BRSK1: variants seen among roughly 807,000 people sequenced by gnomAD.
BRSK1 encodes BR serine/threonine kinase 1.
Under a neutral mutation model 86.2 loss-of-function variants are expected in BRSK1, and 17 were observed. The ratio of observed to expected loss-of-function variants is 0.20; its 90% CI spans 0.14 to 0.30. The LOEUF is 0.30. Ranked by LOEUF, BRSK1 falls within the 10% of genes least tolerant of loss-of-function variation. The pLI is 1.00. For synonymous variants in BRSK1, 464 were observed against 440.1 expected, an observed-to-expected ratio of 1.05 and a Z score of -0.68; for missense variants, 719 against 1,071.9, an observed-to-expected ratio of 0.67 and a Z score of 4.60.
At position 55,284,098 on chromosome 19, in the gene BRSK1, G is replaced by T. The variant is rs1367719980; in HGVS notation, c.-345G>T. ...AGAGGGCGCGTGGGGGGGCGGGGGG[G>T]ACCTCGGCCTGCAGCATCCGCCGGC... On this transcript the variant is annotated 5_prime_UTR_variant, in exon 1 of 19. Transcript: ENST00000309383. The T allele has an allele frequency of 3.1e-5, 10 of 321,176 alleles. No homozygotes were observed. Among genetic ancestry groups the T allele is most frequent in the South Asian group, 2.8e-4 (2 of 7,230 alleles). 19.9% of individuals were successfully genotyped at this position (321,176 alleles called of 1,614,324 possible).
Position 55,302,010 on chromosome 19 carries a change from C to G in BRSK1, c.826-127C>G, listed in dbSNP as rs966220668. On this transcript the variant is annotated intron_variant, in intron 8 of 18. Coordinates refer to ENST00000309383, the MANE Select transcript of BRSK1 (RefSeq NM_032430.2). The surrounding 1 kb of genome is among the most constrained non-coding windows in gnomAD (Gnocchi z 6.3). ...GCCACTAGAGGGCGATGTAATATGT[C>G]ATCCTGCCCCCGGTGGGGTGGGCGG... 8.9e-7 allele frequency: 1 copy of G among 1,129,710 alleles called. No homozygotes were observed. Among genetic ancestry groups the G allele is most frequent in the Non-Finnish European group, 1.3e-6 (1 of 743,424 alleles). The allele number at this position is 1,129,710 out of a possible 1,614,324, so 70.0% of individuals were successfully genotyped here.
Position 55,301,266 on chromosome 19 carries a change from G to A in BRSK1, c.679-246G>A, listed in dbSNP as rs1444822395. Among the ~76,000 whole-genome samples, 4 of 152,192 alleles carry A rather than the reference G, an allele frequency of 2.6e-5. No individual in the cohort carries two copies. In the South Asian group the frequency reaches 6.2e-4, roughly 24 times the overall value. ...ACAACCGTTTCGAAACTGCTGTGGG[G>A]GGAAAGCTGTCTAAAAGGAACAGCC... On this transcript the variant is annotated intron_variant, in intron 7 of 18. Transcript: ENST00000309383.
chr19:55,291,684 G>C (rs903526968), intron 4 of BRSK1, among the ~76,000 whole-genome samples: 1 of 152,196 alleles, frequency 6.6e-6, no homozygotes, highest in African/African-American at 2.4e-5. Flanking sequence ...GAGATGGGGT[G>C]GGGATCACGG....
Position 55,304,953 on chromosome 19 carries a change from G to C in BRSK1, c.1717+33G>C. 1 of 1,599,026 alleles carries C rather than the reference G, an allele frequency of 6.3e-7. No homozygotes were observed. The highest frequency in any genetic ancestry group is 1.3e-5 in the African/African-American group (1 of 74,798). On this transcript the variant is annotated intron_variant, in intron 14 of 18. Coordinates refer to ENST00000309383, the MANE Select transcript of BRSK1 (RefSeq NM_032430.2). The surrounding 1 kb of genome is among the most constrained non-coding windows in gnomAD (Gnocchi z 5.2). ...GGCATGAACTGCCGAGTCCTAATGT[G>C]GGGAGAGGTTGGGGCTAAAAATCTG...
rs778088324 is a variant in BRSK1 at position 55,302,899 on chromosome 19, C to A, written c.1028+32C>A. On this transcript the variant is annotated intron_variant, in intron 10 of 18. Transcript: ENST00000309383. The surrounding 1 kb of genome is among the most constrained non-coding windows in gnomAD (Gnocchi z 6.3). ...CCCCAAGACCCCTGCACCCGTGTAC[C>A]CACGTGGGGCGAGCTGCAGCAGCTC... 2.5e-6 allele frequency: 4 copies of A among 1,592,424 alleles called. No individual in the cohort carries two copies. The highest frequency in any genetic ancestry group is 3.4e-6 in the Non-Finnish European group (4 of 1,164,844).
intron 7 of BRSK1, among the ~76,000 whole-genome samples, chr19:55,299,029 C>T (rs554463268): frequency 2.6e-5 from 4 of 152,154 alleles, no homozygotes; most frequent in African/African-American, 4.8e-5. Flanking sequence ...GTCAGGAGTT[C>T]GAGACCAGCC....
At chr19:55,298,651 G>A (rs901056311) in intron 7 of BRSK1, among the ~76,000 whole-genome samples, 3 of 152,192 alleles carry the variant, frequency 2.0e-5, no homozygotes, top group Non-Finnish European at 4.4e-5. Flanking sequence ...GCAGGTTTCC[G>A]GCTGAGGTCA....
Position 55,304,170 on chromosome 19 carries a change from G to T in BRSK1, c.1347+60G>T. ...GAAAGGGGTGGAGACATGGAGCAAAGATTGAGTAGCAGAAACTACAATTCC... is the reference window on the plus strand; with the variant it reads ...GAAAGGGGTGGAGACATGGAGCAAATATTGAGTAGCAGAAACTACAATTCC... On this transcript the variant is annotated intron_variant, in intron 13 of 18. Transcript: ENST00000309383. This position sits in a 1 kb window ranked among gnomAD's most constrained non-coding sequence, Gnocchi z 5.2. 6.7e-7 allele frequency: 1 copy of T among 1,496,534 alleles called. No individual in the cohort carries two copies. The highest frequency in any genetic ancestry group is 9.1e-7 in the Non-Finnish European group (1 of 1,094,082). The allele number at this position is 1,496,534 out of a possible 1,614,324, so 92.7% of individuals were successfully genotyped here.
Position 55,306,149 on chromosome 19 carries a change from C to G in BRSK1, c.1891-103C>G. 5 of 1,166,178 alleles carry G rather than the reference C, an allele frequency of 4.3e-6. No homozygotes were observed. The highest frequency in any genetic ancestry group is 4.9e-6 in the Non-Finnish European group (4 of 817,614). The allele number at this position is 1,166,178 out of a possible 1,614,324, so 72.2% of individuals were successfully genotyped here. On this transcript the variant is annotated intron_variant, in intron 16 of 18. Transcript: ENST00000309383. This position sits in a 1 kb window ranked among gnomAD's most constrained non-coding sequence, Gnocchi z 4.7. ...CAATGCATTTCCTGTCCTTCTTTCC[C>G]TCCAGTGGCTCATGGGACTCGTAGT...
At chr19:55,311,846 C>G in intron 18 of BRSK1, 65 bp from the exon 19 acceptor site, 1 of 1,550,236 alleles carries the variant, frequency 6.5e-7, no homozygotes, top group Non-Finnish European at 8.8e-7. Context: ...TGCCCCCATC[C>G]CCTGGTAATG....
At position 55,287,375 on chromosome 19, in the gene BRSK1, G is replaced by GGTCCCCCTA; in HGVS notation, c.317+77_317+78insTCCCCCTAG. 7.1e-7 allele frequency: 1 copy of GGTCCCCCTA among 1,400,970 alleles called. No individual in the cohort carries two copies. The highest frequency in any genetic ancestry group is 1.0e-6 in the Non-Finnish European group (1 of 992,304). 86.8% of individuals were successfully genotyped at this position (1,400,970 alleles called of 1,614,324 possible). On this transcript the variant is annotated intron_variant, in intron 3 of 18. Transcript: ENST00000309383. The surrounding 1 kb of genome is among the most constrained non-coding windows in gnomAD (Gnocchi z 5.3). ...CCAGGGTGGGACTTCTCCAGAAACA[G>GGTCCCCCTA]GGCCTAGGGGGACCTGGGGGACCTG... is the stretch of plus-strand genomic sequence containing the variant.
chr19:55,286,864 G>T, intron 1 of BRSK1, 143 bp from the exon 2 acceptor site: 1 of 686,722 alleles, frequency 1.5e-6, no homozygotes. Context: ...TCAGCCCCAG[G>T]AGTTCAGGTC....
chr19:55,312,089 AG>A lies in BRSK1; in HGVS notation c.*25del. On this transcript the variant is annotated 3_prime_UTR_variant, in exon 19 of 19. Transcript: ENST00000309383. ...CCTGACCCCACGGGGCCGGGGAGGG[AG>A]GGGACCCCCCTCCACCCCCCTTCCG... 1 of 1,320,258 alleles carries A rather than the reference AG, an allele frequency of 7.6e-7. No individual in the cohort carries two copies. The highest frequency in any genetic ancestry group is 9.9e-7 in the Non-Finnish European group (1 of 1,005,116). The allele number at this position is 1,320,258 out of a possible 1,614,324, so 81.8% of individuals were successfully genotyped here.
intron 7 of BRSK1, among the ~76,000 whole-genome samples, chr19:55,296,571 G>A (rs2122959448): frequency 6.6e-6 from 1 of 152,284 alleles, no homozygotes; most frequent in East Asian, 1.9e-4. Context: ...GCATTGCCGG[G>A]CGCGGTGGCT....
chr19:55,305,605 C>T lies in BRSK1; in HGVS notation c.1890+19C>T. ...TCTGTCGGTGAGGGGCCTGGGTCCCCATCGAGCCTGGCCCCCGCAGAACTA... is the reference window on the plus strand; with the variant it reads ...TCTGTCGGTGAGGGGCCTGGGTCCCTATCGAGCCTGGCCCCCGCAGAACTA... On this transcript the variant is annotated intron_variant, in intron 16 of 18. Coordinates refer to ENST00000309383, the MANE Select transcript of BRSK1 (RefSeq NM_032430.2). The T allele has an allele frequency of 1.9e-6, 3 of 1,613,708 alleles. No individual in the cohort carries two copies. Among genetic ancestry groups the T allele is most frequent in the Non-Finnish European group, 2.5e-6 (3 of 1,180,016 alleles).
At chr19:55,286,454 T>G (rs2088317856) in intron 1 of BRSK1, among the ~76,000 whole-genome samples, 1 of 136,324 alleles carries the variant, frequency 7.3e-6, no homozygotes, top group African/African-American at 2.8e-5. Context: ...CAGTTGAGGC[T>G]GGGGGTTCAG....
chr19:55,291,370 C>T (rs559542429), intron 4 of BRSK1, among the ~76,000 whole-genome samples: 2 of 152,214 alleles, frequency 1.3e-5, no homozygotes, highest in African/African-American at 4.8e-5. Flanking sequence ...GAGATTCCCC[C>T]CATCTCTCCA....
intron 7 of BRSK1, among the ~76,000 whole-genome samples, chr19:55,295,973 T>A (rs971605920): frequency 9.2e-5 from 14 of 151,776 alleles, no homozygotes; most frequent in East Asian, 1.9e-4. Context: ...TATCTAAAAA[T>A]ATATATATAT....
Position 55,304,826 on chromosome 19 carries a change from C to A in BRSK1, c.1623C>A (p.Gly541=). 1 of 1,590,052 alleles carries A rather than the reference C, an allele frequency of 6.3e-7. No individual in the cohort carries two copies. Among genetic ancestry groups the A allele is most frequent in the South Asian group, 1.1e-5 (1 of 88,698 alleles). ...TPGTTPPPSP[G]GGVGGAAWRS... ...GGACAACACCACCCCCCAGCCCCGG[C>A]GGTGGCGTCGGGGGAGCCGCCTGGA... Residue 541 remains glycine, a synonymous_variant, in exon 14 of 19, where the codon GGC becomes GGA. Coordinates refer to ENST00000309383, the MANE Select transcript of BRSK1 (RefSeq NM_032430.2). This position sits in a 1 kb window ranked among gnomAD's most constrained non-coding sequence, Gnocchi z 5.2.
Sources: allele counts gnomAD v4.1 joint callset (sites outside exome capture counted in the v4.1 genomes callset), GRCh38; gene constraint gnomAD v4.1.1; non-coding constraint Gnocchi (gnomAD v3.1); transcripts MANE v1.5; gene names NCBI Gene and HGNC (gene_info 2026-07-23, HGNC 2026-07-21).